CNTN5: variants seen among roughly 807,000 people sequenced by gnomAD.
The protein encoded by CNTN5 is contactin 5.
CNTN5 carries 77 observed loss-of-function variants against 129.1 expected under a neutral mutation model. The observed-to-expected ratio is 0.60, with a 90% CI of 0.50 to 0.72. The LOEUF (loss-of-function observed/expected upper bound fraction) is 0.72. CNTN5 is among the 30% of genes least tolerant of loss of function. The pLI is 0.00. For synonymous variants in CNTN5, 509 were observed against 465.6 expected, an observed-to-expected ratio of 1.09 and a Z score of -1.20; for missense variants, 1,478 against 1,328.8, an observed-to-expected ratio of 1.11 and a Z score of -1.75.
At chr11:99,520,563 A>G (rs1279169436) in intron 2 of CNTN5, among the ~76,000 whole-genome samples, 3 of 152,148 alleles carry the variant, frequency 2.0e-5, no homozygotes, top group African/African-American at 4.8e-5. Context: ...CTTTCAGAGT[A>G]TCTTGTCCTG....
At chr11:99,956,746 G>A in intron 7 of CNTN5, 60 bp from the exon 8 acceptor site, 1 of 1,271,024 alleles carries the variant, frequency 7.9e-7, no homozygotes, top group South Asian at 1.2e-5. Flanking sequence ...TGTTGTTTGA[G>A]CTTTGTCTGT....
chr11:99,685,890 TTTGGA>T (rs1250882737), intron 3 of CNTN5, among the ~76,000 whole-genome samples: 5 of 152,050 alleles, frequency 3.3e-5, no homozygotes, highest in African/African-American at 1.2e-4. Flanking sequence ...TGTAAATTAT[TTTGGA>T]TTGAAGTTCT....
Position 99,956,808 on chromosome 11 carries a change from A to G in CNTN5, c.676A>G (p.Ile226Val). The G allele has an allele frequency of 6.2e-7, 1 of 1,613,156 alleles. No homozygotes were observed. Among genetic ancestry groups the G allele is most frequent in the Non-Finnish European group, 8.5e-7 (1 of 1,179,430 alleles). The change falls in exon 8 of 25, where the codon ATC (isoleucine) becomes GTC (valine). Residue 226 changes from isoleucine (I) to valine (V), a missense_variant and splice_region_variant. Physicochemically the swap from Ile to Val is conservative, Grantham distance 29 (BLOSUM62 3). Coordinates refer to ENST00000524871, the MANE Select transcript of CNTN5 (RefSeq NM_014361.4). ...MCSPPPHSPEIIYSWVFNEFP... is the reference protein window; with the variant it reads ...MCSPPPHSPEVIYSWVFNEFP... ...GACCAAATTTTGTGTATTTTCAGAGATCATCTATAGCTGGGTATTTAATGA... is the reference window on the plus strand; with the variant it reads ...GACCAAATTTTGTGTATTTTCAGAGGTCATCTATAGCTGGGTATTTAATGA...
At chr11:99,057,828 AT>A (rs1196040427) in intron 1 of CNTN5, among the ~76,000 whole-genome samples, 1 of 148,722 alleles carries the variant, frequency 6.7e-6, no homozygotes, top group Non-Finnish European at 1.5e-5. Flanking sequence ...ATGGTCATAA[AT>A]GCTGAAGTAG....
chr11:100,242,309 C>T (rs1311761123), intron 16 of CNTN5, among the ~76,000 whole-genome samples: 1 of 152,196 alleles, frequency 6.6e-6, no homozygotes, highest in Admixed American at 6.5e-5. Context: ...TACCTCTTCC[C>T]CATCCAATTT....
At chr11:99,732,301 A>G (rs1479342885) in intron 3 of CNTN5, among the ~76,000 whole-genome samples, 1 of 152,178 alleles carries the variant, frequency 6.6e-6, no homozygotes, top group Admixed American at 6.5e-5. Flanking sequence ...GGGTGATGAG[A>G]GGTCAGATTA....
At chr11:99,712,113 C>T (rs139510194) in intron 3 of CNTN5, among the ~76,000 whole-genome samples, 3,230 of 152,128 alleles carry the variant, frequency 0.021, 55 homozygotes, top group Middle Eastern at 0.065. Flanking sequence ...GTAAAGCGTT[C>T]GTATTTCTCC....
At chr11:99,791,344 T>A (rs1018273903) in intron 3 of CNTN5, among the ~76,000 whole-genome samples, 1 of 152,126 alleles carries the variant, frequency 6.6e-6, no homozygotes, top group South Asian at 2.1e-4. Context: ...AGGGGTCCAG[T>A]TTTGACCTTC....
At chr11:100,152,062 A>C (rs1001580549) in intron 13 of CNTN5, among the ~76,000 whole-genome samples, 3 of 152,196 alleles carry the variant, frequency 2.0e-5, no homozygotes, top group Non-Finnish European at 4.4e-5. Flanking sequence ...CCTGGAGGAA[A>C]TAAGCAATCT....
At chr11:99,320,685 C>CT (rs1242356683) in intron 1 of CNTN5, among the ~76,000 whole-genome samples, 1 of 152,086 alleles carries the variant, frequency 6.6e-6, no homozygotes, top group African/African-American at 2.4e-5. Context: ...GTACAGATAT[C>CT]TTTTTTTATT....
chr11:99,995,990 T>G (rs1293515555), intron 8 of CNTN5, among the ~76,000 whole-genome samples: 1 of 152,178 alleles, frequency 6.6e-6, no homozygotes, highest in Non-Finnish European at 1.5e-5. Context: ...GTCAGATACT[T>G]TCTTCTGAAT....
At chr11:99,103,314 AT>A (rs1314339248) in intron 1 of CNTN5, among the ~76,000 whole-genome samples, 2 of 152,210 alleles carry the variant, frequency 1.3e-5, no homozygotes, top group African/African-American at 4.8e-5. Flanking sequence ...TGTATAATGT[AT>A]GTATACACTA....
At chr11:99,699,461 C>T (rs1475397062) in intron 3 of CNTN5, among the ~76,000 whole-genome samples, 4 of 151,348 alleles carry the variant, frequency 2.6e-5, no homozygotes, top group African/African-American at 9.7e-5. Context: ...ATTGAGGTAT[C>T]ATGTAAGACT....
chr11:99,365,391 G>A (rs1054071125), intron 2 of CNTN5, among the ~76,000 whole-genome samples: 1 of 152,158 alleles, frequency 6.6e-6, no homozygotes, highest in African/African-American at 2.4e-5. Context: ...AAGTGGTATA[G>A]CACAAGCCTA....
chr11:100,341,313 C>G (rs1007798178), intron 23 of CNTN5, 108 bp downstream of exon 23: 10 of 774,114 alleles, frequency 1.3e-5, no homozygotes, highest in Non-Finnish European at 1.7e-5. Flanking sequence ...CCTATTTTTT[C>G]TCAGTCATTT....
At chr11:99,846,854 T>A (rs1255234591) in intron 6 of CNTN5, among the ~76,000 whole-genome samples, 1 of 152,112 alleles carries the variant, frequency 6.6e-6, no homozygotes, top group African/African-American at 2.4e-5. Context: ...TAGATTTGCC[T>A]AAGGAATTCA....
chr11:99,107,282 C>A (rs1333643271), intron 1 of CNTN5, among the ~76,000 whole-genome samples: 2 of 151,950 alleles, frequency 1.3e-5, no homozygotes, highest in Non-Finnish European at 2.9e-5. Flanking sequence ...ACGTAAGTGG[C>A]CGTCTATGAA....
chr11:100,148,188 A>G (rs901692101), intron 13 of CNTN5, among the ~76,000 whole-genome samples: 1 of 152,088 alleles, frequency 6.6e-6, no homozygotes, highest in Non-Finnish European at 1.5e-5. Context: ...TGAGCACTCT[A>G]TCTCTGCAGC....
intron 18 of CNTN5, among the ~76,000 whole-genome samples, chr11:100,276,982 C>G (rs575869632): frequency 6.6e-6 from 1 of 152,190 alleles, no homozygotes; most frequent in African/African-American, 2.4e-5. Context: ...AACTACACTT[C>G]CCAGCCTCTG....
Sources: gnomAD v4.1 joint callset for allele counts (sites outside exome capture counted in the v4.1 genomes callset) on GRCh38, gnomAD v4.1.1 for gene constraint, MANE v1.5 for transcripts, NCBI Gene and HGNC (gene_info 2026-07-23, HGNC 2026-07-21) for gene names.